Variants in TMEM232 observed in about 807,000 individuals in gnomAD.
TMEM232 encodes the protein transmembrane protein 232.
In TMEM232, 80 loss-of-function variants were observed where a neutral mutation model predicts 78.8. The observed-to-expected ratio is 1.01, with a 90% CI of 0.85 to 1.22. The LOEUF (loss-of-function observed/expected upper bound fraction) is 1.22. TMEM232 is among the 50% of genes most tolerant of loss of function. The probability of loss-of-function intolerance (pLI) is 0.00; values close to 1 mark genes in which losing one functional copy is unlikely to be tolerated. For missense variants in TMEM232, 881 were observed against 742.2 expected (o/e 1.19, Z -2.17); for synonymous variants, 297 against 254.3 (o/e 1.17, Z -1.60).
rs189509850 is a variant in TMEM232 at position 110,473,603 on chromosome 5, A to G, written c.1704-48687T>C. On this transcript the variant is annotated intron_variant, in intron 12 of 13. Transcript: ENST00000455884. ...TAAAAATTAAAAAATTAAAAAAAAAATTGAAGTACCACATGATCTAGCAAT... is the reference window on the plus strand; with the variant it reads ...TAAAAATTAAAAAATTAAAAAAAAAGTTGAAGTACCACATGATCTAGCAAT... 6.7e-3 allele frequency among the ~76,000 whole-genome samples: 1,016 copies of G among 151,002 alleles called. 19 individuals are homozygous for G. The highest frequency in any genetic ancestry group is 0.023 in the African/African-American group (940 of 40,978).
chr5:110,719,567 T>C (rs992930942), intron 1 of TMEM232, among the ~76,000 whole-genome samples: 2 of 152,124 alleles, frequency 1.3e-5, no homozygotes, highest in African/African-American at 4.8e-5. Flanking sequence ...AAATTGGTTA[T>C]TTTAGGGAAT....
At chr5:110,438,014 G>A (rs1298613052) in intron 12 of TMEM232, among the ~76,000 whole-genome samples, 1 of 152,076 alleles carries the variant, frequency 6.6e-6, no homozygotes, top group Non-Finnish European at 1.5e-5. Context: ...TGTTTAGCCA[G>A]GCAGCAGTAC....
intron 12 of TMEM232, among the ~76,000 whole-genome samples, chr5:110,434,677 C>G (rs1303984466): frequency 6.6e-6 from 1 of 152,070 alleles, no homozygotes; most frequent in Non-Finnish European, 1.5e-5. Context: ...ACTAATATCT[C>G]TGATGAACAT....
chr5:110,460,431 A>G (rs1310719564), intron 12 of TMEM232, among the ~76,000 whole-genome samples: 2 of 152,152 alleles, frequency 1.3e-5, no homozygotes, highest in East Asian at 1.9e-4. Flanking sequence ...AACTTTTCCT[A>G]TGCTTGAAAT....
chr5:110,504,099 A>T (rs1766585948), intron 12 of TMEM232, among the ~76,000 whole-genome samples: 1 of 152,222 alleles, frequency 6.6e-6, no homozygotes, highest in African/African-American at 2.4e-5. Context: ...ATAAATGAAC[A>T]TAGTTATTTC....
chr5:110,430,437 TGAAAG>T (rs895242026), intron 12 of TMEM232, among the ~76,000 whole-genome samples: 1 of 151,580 alleles, frequency 6.6e-6, no homozygotes, highest in Admixed American at 6.6e-5. Flanking sequence ...AATAATTACT[TGAAAG>T]GAAAATAAAT....
chr5:110,619,222 T>C (rs922387661), intron 7 of TMEM232, among the ~76,000 whole-genome samples: 2 of 152,166 alleles, frequency 1.3e-5, no homozygotes, highest in Non-Finnish European at 2.9e-5. Flanking sequence ...ATTGTTAACT[T>C]AGTTGATATT....
At chr5:110,606,432 G>T in intron 8 of TMEM232, 145 bp from the exon 9 acceptor site, 1 of 938,618 alleles carries the variant, frequency 1.1e-6, no homozygotes, top group Non-Finnish European at 1.5e-6. Context: ...GATTAGTATT[G>T]CTTCTCATTA....
intron 1 of TMEM232, among the ~76,000 whole-genome samples, chr5:110,688,465 C>G (rs1248779526): frequency 6.6e-6 from 1 of 152,114 alleles, no homozygotes; most frequent in Non-Finnish European, 1.5e-5. Context: ...AGATACATTT[C>G]CTCTGTTGGA....
At chr5:110,688,303 A>C (rs1406070597) in intron 1 of TMEM232, among the ~76,000 whole-genome samples, 1 of 152,184 alleles carries the variant, frequency 6.6e-6, no homozygotes, top group Non-Finnish European at 1.5e-5. Flanking sequence ...AGAAAGCTGA[A>C]GCTGCCTTAT....
At chr5:110,710,795 C>T (rs114241144) in intron 1 of TMEM232, among the ~76,000 whole-genome samples, 1,847 of 152,216 alleles carry the variant, frequency 0.012, 45 homozygotes, top group African/African-American at 0.042. Flanking sequence ...TTCAGACTTG[C>T]AGCTAGTATC....
chr5:110,704,452 A>G (rs1288805384), intron 1 of TMEM232, among the ~76,000 whole-genome samples: 1 of 152,018 alleles, frequency 6.6e-6, no homozygotes, highest in African/African-American at 2.4e-5. Context: ...AGTAAACAGC[A>G]TTTTCCAAAA....
rs188718065 is a variant in TMEM232, at chr5:110,540,523, C to T, written c.1456-11688G>A. Among the ~76,000 whole-genome samples the T allele has an allele frequency of 2.1e-4, 32 of 152,312 alleles. 1 individual carries two copies. The East Asian group carries it at 4.4e-3, about 21-fold the overall frequency. ...CAGGCCCAGTAACTGATCATTCCTG[C>T]GAGCAGGTCATTGCACATACATTCA... On this transcript the variant is annotated intron_variant, in intron 11 of 13. Coordinates refer to ENST00000455884, the MANE Select transcript of TMEM232 (RefSeq NM_001039763.4).
intron 11 of TMEM232, among the ~76,000 whole-genome samples, chr5:110,562,438 A>G (rs1026382400): frequency 3.3e-5 from 5 of 152,098 alleles, no homozygotes; most frequent in South Asian, 4.1e-4. Context: ...AATCCAACTT[A>G]TAATTTAAAT....
At chr5:110,552,099 A>G (rs959149947) in intron 11 of TMEM232, among the ~76,000 whole-genome samples, 1 of 152,184 alleles carries the variant, frequency 6.6e-6, no homozygotes, top group African/African-American at 2.4e-5. Context: ...TAAAACAATA[A>G]TAATGTTTAG....
At chr5:110,621,532 T>C (rs1783747702) in intron 7 of TMEM232, among the ~76,000 whole-genome samples, 1 of 152,202 alleles carries the variant, frequency 6.6e-6, no homozygotes, top group Admixed American at 6.5e-5. Flanking sequence ...TTCAGTAATT[T>C]GTCGTCATTA....
intron 12 of TMEM232, among the ~76,000 whole-genome samples, chr5:110,449,353 A>G (rs1475761128): frequency 6.6e-6 from 1 of 152,114 alleles, no homozygotes; most frequent in African/African-American, 2.4e-5. Context: ...ATTCATACCC[A>G]TAACGATTCG....
At chr5:110,546,375 A>T (rs959634621) in intron 11 of TMEM232, among the ~76,000 whole-genome samples, 5 of 152,124 alleles carry the variant, frequency 3.3e-5, no homozygotes, top group African/African-American at 1.2e-4. Context: ...GTTGTTTATC[A>T]TATAAATTGC....
chr5:110,705,069 C>T (rs1212718204), intron 1 of TMEM232, among the ~76,000 whole-genome samples: 1 of 152,096 alleles, frequency 6.6e-6, no homozygotes, highest in Non-Finnish European at 1.5e-5. Context: ...AGCCTTTTGG[C>T]ATATCCAAAC....
Sources: allele counts gnomAD v4.1 joint callset (sites outside exome capture counted in the v4.1 genomes callset), GRCh38; gene constraint gnomAD v4.1.1; transcripts MANE v1.5; gene names NCBI Gene and HGNC (gene_info 2026-07-23, HGNC 2026-07-21).